ERBB4: variants seen among roughly 807,000 people sequenced by gnomAD.
ERBB4 encodes receptor tyrosine-protein kinase erbB-4.
In ERBB4, 42 loss-of-function variants were observed where a neutral mutation model predicts 158.0. The observed-to-expected ratio is 0.27, with a 90% CI of 0.21 to 0.34. ERBB4 has a LOEUF of 0.34. ERBB4 is among the 10% of genes least tolerant of loss of function. The pLI is 1.00. For missense variants in ERBB4, 1,333 were observed against 1,624.1 expected (o/e 0.82, Z 3.08); for synonymous variants, 583 against 558.7 (o/e 1.04, Z -0.61).
rs770639422 is a variant in ERBB4, at chr2:211,383,824, G to A, written c.3718C>T (p.Pro1240Ser). Residue 1240 changes from proline to serine, a missense_variant, in exon 28 of 28, where the codon CCT (proline) becomes TCT (serine). By Grantham distance (74) the Pro-to-Ser change is moderately conservative. Coordinates refer to ENST00000342788, the MANE Select transcript of ERBB4 (RefSeq NM_005235.3). ...PEKAKKAFDN[P>S]DYWNHSLPPR... Reference sequence around the variant, plus strand: ...GGCAGGCTGTGGTTCCAGTAGTCAGGGTTGTCAAACGCTTTCTTGGCCTTC... The same window carrying A: ...GGCAGGCTGTGGTTCCAGTAGTCAGAGTTGTCAAACGCTTTCTTGGCCTTC... 18 of 1,613,978 alleles carry A rather than the reference G, an allele frequency of 1.1e-5. No individual in the cohort carries two copies. The South Asian group carries it at 1.8e-4, about 16-fold the overall frequency.
chr2:212,480,218 T>TA (rs1689618005), intron 1 of ERBB4, among the ~76,000 whole-genome samples: 2 of 152,160 alleles, frequency 1.3e-5, no homozygotes, highest in Admixed American at 1.3e-4. Flanking sequence ...AACATCTATG[T>TA]AAAACAAAGA....
chr2:211,828,787 T>A (rs963956044), intron 3 of ERBB4, among the ~76,000 whole-genome samples: 13 of 152,108 alleles, frequency 8.5e-5, no homozygotes, highest in Non-Finnish European at 1.8e-4. Flanking sequence ...TTCTCACCAC[T>A]CCTGCACACA....
chr2:211,463,235 C>T (rs183710244), intron 20 of ERBB4, among the ~76,000 whole-genome samples: 2 of 152,216 alleles, frequency 1.3e-5, no homozygotes, highest in Non-Finnish European at 2.9e-5. Flanking sequence ...TTACAAAAAG[C>T]GGAGCTATAG....
At chr2:211,494,427 C>T (rs188875783) in intron 20 of ERBB4, among the ~76,000 whole-genome samples, 1 of 151,766 alleles carries the variant, frequency 6.6e-6, no homozygotes, top group East Asian at 1.9e-4. Context: ...TAAACATGAA[C>T]ACCAAATAAA....
At chr2:212,460,297 C>A (rs1295221076) in intron 1 of ERBB4, among the ~76,000 whole-genome samples, 18 of 152,216 alleles carry the variant, frequency 1.2e-4, no homozygotes, top group Non-Finnish European at 2.5e-4. Flanking sequence ...TGAGGCATTG[C>A]TGAAAAGATA....
rs2080999515 is a variant in ERBB4, at chr2:211,955,391, C to A, written c.235-7775G>T. ...ATATTTTTTTTGTCCTTTATATTTT[C>A]CTGAGCTGGCTGGAGGGTTAATAGT... On this transcript the variant is annotated intron_variant, in intron 2 of 27. Transcript: ENST00000342788. 2.0e-5 allele frequency among the ~76,000 whole-genome samples: 3 copies of A among 152,002 alleles called. 1 individual carries two copies. In the Admixed American group the frequency reaches 2.0e-4, roughly 10 times the overall value.
At chr2:211,638,006 C>T (rs988585335) in intron 16 of ERBB4, among the ~76,000 whole-genome samples, 1 of 151,922 alleles carries the variant, frequency 6.6e-6, no homozygotes, top group African/African-American at 2.4e-5. Context: ...TAATATTTTA[C>T]TTCTCTTTCG....
chr2:212,195,144 G>A (rs1195609378), intron 1 of ERBB4, among the ~76,000 whole-genome samples: 1 of 151,896 alleles, frequency 6.6e-6, no homozygotes, highest in Non-Finnish European at 1.5e-5. Flanking sequence ...ACTATATAAA[G>A]TATTATTTCA....
At chr2:211,828,751 G>A (rs1352499577) in intron 3 of ERBB4, among the ~76,000 whole-genome samples, 1 of 151,958 alleles carries the variant, frequency 6.6e-6, no homozygotes, top group Non-Finnish European at 1.5e-5. Context: ...TCCTTCCCAC[G>A]GTCTACATCT....
intron 1 of ERBB4, among the ~76,000 whole-genome samples, chr2:212,370,975 C>A (rs1278793126): frequency 2.0e-5 from 3 of 152,122 alleles, no homozygotes; most frequent in African/African-American, 7.2e-5. Flanking sequence ...CCTTAACTCA[C>A]TGTTGATGTA....
At chr2:212,043,852 G>A (rs1024723504) in intron 2 of ERBB4, among the ~76,000 whole-genome samples, 1 of 151,946 alleles carries the variant, frequency 6.6e-6, no homozygotes, top group Non-Finnish European at 1.5e-5. Context: ...TTACCAGAAG[G>A]ATAAAATGAA....
chr2:212,254,187 A>G (rs2084640311), intron 1 of ERBB4, among the ~76,000 whole-genome samples: 1 of 152,174 alleles, frequency 6.6e-6, no homozygotes, highest in East Asian at 1.9e-4. Context: ...TTAAAATATT[A>G]TGGCCTCTAA....
intron 20 of ERBB4, among the ~76,000 whole-genome samples, chr2:211,472,176 C>A (rs1331877060): frequency 6.6e-6 from 1 of 151,724 alleles, no homozygotes; most frequent in Non-Finnish European, 1.5e-5. Flanking sequence ...ACAGGCAAGA[C>A]GTGGTTCTGT....
At chr2:211,468,765 A>G (rs1396010957) in intron 20 of ERBB4, among the ~76,000 whole-genome samples, 1 of 152,096 alleles carries the variant, frequency 6.6e-6, no homozygotes, top group East Asian at 1.9e-4. Flanking sequence ...TAACAGAAGA[A>G]TACTATCATG....
chr2:211,888,854 G>A (rs1476140102), intron 3 of ERBB4, among the ~76,000 whole-genome samples: 2 of 151,536 alleles, frequency 1.3e-5, no homozygotes, highest in Non-Finnish European at 1.5e-5. Flanking sequence ...CTTAAAAAAC[G>A]GCGAACCATG....
chr2:211,395,990 A>T (rs977071606), intron 25 of ERBB4, among the ~76,000 whole-genome samples: 1 of 151,994 alleles, frequency 6.6e-6, no homozygotes, highest in Non-Finnish European at 1.5e-5. Flanking sequence ...TAAGTAATCT[A>T]TAAGGCAGGT....
intron 1 of ERBB4, among the ~76,000 whole-genome samples, chr2:212,323,627 G>A (rs1383351126): frequency 6.6e-6 from 1 of 150,488 alleles, no homozygotes; most frequent in African/African-American, 2.4e-5. Flanking sequence ...TGGTAATAAT[G>A]TAGATACTGC....
intron 1 of ERBB4, among the ~76,000 whole-genome samples, chr2:212,470,343 C>T (rs1319291989): frequency 3.3e-5 from 5 of 152,006 alleles, no homozygotes; most frequent in South Asian, 2.1e-4. Context: ...AAAAAAAATA[C>T]GTGCCTTATT....
intron 1 of ERBB4, among the ~76,000 whole-genome samples, chr2:212,374,069 CATATATATATCCATATATATCCATAT>C (rs2090232177): frequency 1.3e-5 from 1 of 77,538 alleles, no homozygotes; most frequent in Non-Finnish European, 2.4e-5. Flanking sequence ...CATATATATC[CATATATATATCCATATATATCCATAT>C]ATATATATAC....
Sources: allele counts gnomAD v4.1 joint callset (sites outside exome capture counted in the v4.1 genomes callset), GRCh38; gene constraint gnomAD v4.1.1; transcripts MANE v1.5; gene names NCBI Gene and HGNC (gene_info 2026-07-23, HGNC 2026-07-21).